UBAP1: variants seen among roughly 807,000 people sequenced by gnomAD.
UBAP1 encodes the protein ubiquitin associated protein 1, also known as ubiquitin-associated protein 1.
A neutral mutation model predicts 39.0 loss-of-function variants in UBAP1; 5 were observed. The ratio of observed to expected loss-of-function variants is 0.13; its 90% CI spans 0.07 to 0.27. The LOEUF is 0.27. UBAP1 is among the 10% of genes least tolerant of loss of function. The pLI is 1.00. For synonymous variants in UBAP1, 211 were observed against 225.1 expected, an observed-to-expected ratio of 0.94 and a Z score of 0.56; for missense variants, 490 against 608.1, an observed-to-expected ratio of 0.81 and a Z score of 2.04.
intron 2 of UBAP1, among the ~76,000 whole-genome samples, chr9:34,230,727 G>T (rs995162209): frequency 2.0e-5 from 3 of 152,100 alleles, no homozygotes; most frequent in African/African-American, 4.8e-5. Flanking sequence ...CACTTTTTTG[G>T]TGGTGCTGGG....
At chr9:34,215,995 T>TA (rs1274034596) in intron 1 of UBAP1, among the ~76,000 whole-genome samples, 1 of 152,094 alleles carries the variant, frequency 6.6e-6, no homozygotes, top group Non-Finnish European at 1.5e-5. Context: ...AGGCATGATT[T>TA]AAAAAATTTT....
chr9:34,207,137 T>TA (rs1831751269), intron 1 of UBAP1, among the ~76,000 whole-genome samples: 1 of 145,080 alleles, frequency 6.9e-6, no homozygotes, highest in African/African-American at 2.5e-5. Context: ...CTGCAACCTC[T>TA]GCCTCCCAGG....
At chr9:34,189,617 T>C (rs1357166829) in intron 1 of UBAP1, among the ~76,000 whole-genome samples, 1 of 152,120 alleles carries the variant, frequency 6.6e-6, no homozygotes, top group Admixed American at 6.6e-5. Flanking sequence ...TTGTGAACTT[T>C]CAAATTTGGA....
rs543960253 is a variant in UBAP1 at position 34,181,593 on chromosome 9, C to T, written c.-8+2353C>T. ...GACTACGGGCTCCCGCCACCACGCC[C>T]GGCTAATTTTTTGTATTTTTAGTAG... On this transcript the variant is annotated intron_variant, in intron 1 of 6. Transcript: ENST00000297661. Among the ~76,000 whole-genome samples, 527 of 147,418 alleles carry T rather than the reference C, an allele frequency of 3.6e-3. 29 individuals carry two copies. Among genetic ancestry groups the T allele is most frequent in the African/African-American group, 0.012 (462 of 39,324 alleles).
intron 2 of UBAP1, among the ~76,000 whole-genome samples, chr9:34,231,176 T>TGTGTGTGTG (rs74180554): frequency 9.6e-5 from 13 of 135,142 alleles, no homozygotes; most frequent in Admixed American, 3.8e-4. Context: ...TGTGTGTGTG[T>TGTGTGTGTG]TGGGGTCGGG....
chr9:34,246,167 A>G (rs747605956), intron 4 of UBAP1, among the ~76,000 whole-genome samples: 19 of 152,130 alleles, frequency 1.2e-4, no homozygotes, highest in Non-Finnish European at 2.6e-4. Flanking sequence ...CCTGGGCTCA[A>G]GTGATCCTCC....
rs1833952043 is a variant in UBAP1, at chr9:34,241,463, C to T, written c.438C>T (p.Ser146=). The T allele has an allele frequency of 1.2e-6, 2 of 1,611,806 alleles. No homozygotes were observed. ...SSSATKQKVL[S]PPHIKADFNL... ...GTGCCACGAAACAGAAAGTTCTCAGCCCACCTCACATAAAGGCGGATTTCA... is the reference window on the plus strand; with the variant it reads ...GTGCCACGAAACAGAAAGTTCTCAGTCCACCTCACATAAAGGCGGATTTCA... The change falls in exon 4 of 7, where the codon AGC becomes AGT. Residue 146 remains serine, a synonymous_variant. Coordinates refer to ENST00000297661, the MANE Select transcript of UBAP1 (RefSeq NM_016525.5).
At chr9:34,223,493 C>T (rs556938858) in intron 2 of UBAP1, among the ~76,000 whole-genome samples, 4 of 152,106 alleles carry the variant, frequency 2.6e-5, no homozygotes, top group Admixed American at 6.5e-5. Context: ...CTCGCTCTGT[C>T]GCCCAGGCTG....
intron 2 of UBAP1, among the ~76,000 whole-genome samples, chr9:34,227,298 T>TTTTATTTATTTATTTATTTATTTA (rs539717231): frequency 6.6e-4 from 100 of 152,192 alleles, no homozygotes; most frequent in African/African-American, 2.2e-3. Context: ...GTTTTTTTTG[T>TTTTATTTATTTATTTATTTATTTA]TTTATTTATT....
intron 1 of UBAP1, among the ~76,000 whole-genome samples, chr9:34,187,992 T>C (rs1830499648): frequency 6.6e-6 from 1 of 152,032 alleles, no homozygotes; most frequent in East Asian, 1.9e-4. Flanking sequence ...TTTTTTCTTT[T>C]TTTCAATGAG....
At chr9:34,228,366 C>T (rs1427424672) in intron 2 of UBAP1, among the ~76,000 whole-genome samples, 4 of 138,556 alleles carry the variant, frequency 2.9e-5, no homozygotes, top group African/African-American at 5.4e-5. Flanking sequence ...TGCAGTGAGC[C>T]GAGATTGTGC....
intron 2 of UBAP1, among the ~76,000 whole-genome samples, chr9:34,221,783 AC>A (rs1832774532): frequency 6.6e-6 from 1 of 152,170 alleles, no homozygotes; most frequent in African/African-American, 2.4e-5. Flanking sequence ...CTAAGATACA[AC>A]CTTCCAAAAT....
intron 1 of UBAP1, among the ~76,000 whole-genome samples, chr9:34,182,624 T>C (rs995462280): frequency 1.4e-4 from 5 of 36,146 alleles, no homozygotes; most frequent in East Asian, 8.8e-4. Context: ...TCCTTCTTTC[T>C]TTCTTTCTTT....
chr9:34,234,947 G>A (rs1833609794), intron 3 of UBAP1, among the ~76,000 whole-genome samples: 1 of 152,122 alleles, frequency 6.6e-6, no homozygotes, highest in Non-Finnish European at 1.5e-5. Context: ...GTGATCATAG[G>A]AGATGACAGC....
rs145783711 is a variant in UBAP1, at chr9:34,192,786, G to A, written c.-8+13546G>A. Among the ~76,000 whole-genome samples, 20 of 151,992 alleles carry A rather than the reference G, an allele frequency of 1.3e-4. No individual in the cohort carries two copies. The East Asian group carries it at 3.9e-3, about 29-fold the overall frequency. On this transcript the variant is annotated intron_variant, in intron 1 of 6. Transcript: ENST00000297661. ...AAGTTCATAATGATATTTATTATTT[G>A]TTTAACTTTTAGCCCCTGCAAAGAA...
At chr9:34,197,553 C>T (rs1237374610) in intron 1 of UBAP1, among the ~76,000 whole-genome samples, 1 of 151,118 alleles carries the variant, frequency 6.6e-6, no homozygotes, top group African/African-American at 2.4e-5. Context: ...TTCCTTGGTT[C>T]TTTTTTTTTC....
intron 3 of UBAP1, among the ~76,000 whole-genome samples, chr9:34,238,701 T>G (rs564038572): frequency 5.2e-4 from 79 of 152,374 alleles, no homozygotes; most frequent in Middle Eastern, 3.4e-3. Context: ...AGACCTACTT[T>G]GTAACGTTTT....
At chr9:34,192,965 G>C (rs1394571459) in intron 1 of UBAP1, among the ~76,000 whole-genome samples, 1 of 152,034 alleles carries the variant, frequency 6.6e-6, no homozygotes. Context: ...TATTATAGCT[G>C]ATAAGTACAA....
chr9:34,227,608 G>C (rs969658286), intron 2 of UBAP1, among the ~76,000 whole-genome samples: 1 of 152,174 alleles, frequency 6.6e-6, no homozygotes, highest in African/African-American at 2.4e-5. Context: ...TCTTCCCAGA[G>C]TTTATCCTGA....
Sources: gnomAD v4.1 joint callset for allele counts (sites outside exome capture counted in the v4.1 genomes callset) on GRCh38, gnomAD v4.1.1 for gene constraint, MANE v1.5 for transcripts, NCBI Gene and HGNC (gene_info 2026-07-23, HGNC 2026-07-21) for gene names.